SRC: variants seen among roughly 807,000 people sequenced by gnomAD.
SRC encodes the protein proto-oncogene tyrosine-protein kinase Src.
In SRC, 13 loss-of-function variants were observed where a neutral mutation model predicts 62.9. That is an observed-to-expected ratio of 0.21 (90% CI 0.13 to 0.33). The LOEUF (loss-of-function observed/expected upper bound fraction) is 0.33, where lower values mean the gene tolerates loss of function less well. SRC is among the 10% of genes least tolerant of loss of function. SRC has a pLI of 1.00. For missense variants in SRC, 457 were observed against 737.3 expected (o/e 0.62, Z 4.40); for synonymous variants, 302 against 317.5 (o/e 0.95, Z 0.52).
chr20:37,386,507 G>C (rs983186776), intron 5 of SRC: 8 of 712,844 alleles, frequency 1.1e-5, no homozygotes, highest in Middle Eastern at 2.3e-4. Flanking sequence ...GCGGCGGGCT[G>C]GGCGGGGTGC....
At position 37,397,145 on chromosome 20, in the gene SRC, A is replaced by G. The variant is rs923360126; in HGVS notation, c.704-554A>G. ...CCTCCGCCTGGTGCCACCCTTCCCCACCTGCTCCCTGCGCCCCTTTGTCCT... is the reference window on the plus strand; with the variant it reads ...CCTCCGCCTGGTGCCACCCTTCCCCGCCTGCTCCCTGCGCCCCTTTGTCCT... On this transcript the variant is annotated intron_variant, in intron 8 of 13. Coordinates refer to ENST00000373578, the MANE Select transcript of SRC (RefSeq NM_198291.3). The surrounding 1 kb of genome is among the most constrained non-coding windows in gnomAD (Gnocchi z 4.1). Among the ~76,000 whole-genome samples, 2 of 151,620 alleles carry G rather than the reference A, an allele frequency of 1.3e-5. No individual in the cohort carries two copies. Among genetic ancestry groups the G allele is most frequent in the African/African-American group, 4.8e-5 (2 of 41,244 alleles).
At chr20:37,378,974 G>A (rs1426786510) in intron 2 of SRC, among the ~76,000 whole-genome samples, 1 of 136,410 alleles carries the variant, frequency 7.3e-6, no homozygotes, top group East Asian at 2.0e-4. Context: ...TGACTGGGGT[G>A]GGATGTGCAG....
intron 2 of SRC, among the ~76,000 whole-genome samples, chr20:37,371,806 A>G (rs570189783): frequency 5.3e-5 from 8 of 152,096 alleles, no homozygotes; most frequent in East Asian, 1.9e-4. Flanking sequence ...GGTTCAAGCA[A>G]TTCTCTTGCC....
chr20:37,360,242 G>A (rs1422204950), intron 1 of SRC, among the ~76,000 whole-genome samples: 1 of 55,778 alleles, frequency 1.8e-5, no homozygotes, highest in Non-Finnish European at 2.8e-5. Context: ...TTTTTTTGGT[G>A]AGACAGGGTC....
At chr20:37,366,884 A>G (rs1300874272) in intron 2 of SRC, among the ~76,000 whole-genome samples, 1 of 152,186 alleles carries the variant, frequency 6.6e-6, no homozygotes, top group African/African-American at 2.4e-5. Flanking sequence ...TCGAGTGTGT[A>G]CCTAGGAGTA....
At position 37,384,394 on chromosome 20, in the gene SRC, C is replaced by A; in HGVS notation, c.241C>A (p.Pro81Thr). The A allele has an allele frequency of 7.0e-7, 1 of 1,425,790 alleles. No individual in the cohort carries two copies. The highest frequency in any genetic ancestry group is 1.4e-5 in the South Asian group (1 of 71,182). The allele number at this position is 1,425,790 out of a possible 1,614,324, so 88.3% of individuals were successfully genotyped here. Reference sequence around the variant, plus strand: ...CGTCACCTCCCCGCAGAGGGCGGGCCCGCTGGCCGGTCAGTGCGCGGGCGG... The same window carrying A: ...CGTCACCTCCCCGCAGAGGGCGGGCACGCTGGCCGGTCAGTGCGCGGGCGG... ...DTVTSPQRAG[P>T]LAGGVTTFVA... The change falls in exon 4 of 14, where the codon CCG becomes ACG. Residue 81 changes from proline (P) to threonine (T), a missense_variant. Transcript: ENST00000373578. This position sits in a 1 kb window ranked among gnomAD's most constrained non-coding sequence, Gnocchi z 6.7.
intron 3 of SRC, among the ~76,000 whole-genome samples, chr20:37,383,022 C>T (rs2070388148): frequency 6.6e-6 from 1 of 152,228 alleles, no homozygotes; most frequent in African/African-American, 2.4e-5. Context: ...CTCATTCGTT[C>T]AGCTGTTTAC....
intron 1 of SRC, among the ~76,000 whole-genome samples, chr20:37,363,203 G>A (rs965872689): frequency 6.6e-6 from 1 of 152,220 alleles, no homozygotes; most frequent in African/African-American, 2.4e-5. Flanking sequence ...GCTCCCAGGG[G>A]CCTGAGAAAA....
At chr20:37,353,216 C>T (rs2069832823) in intron 1 of SRC, among the ~76,000 whole-genome samples, 1 of 152,118 alleles carries the variant, frequency 6.6e-6, no homozygotes, top group Non-Finnish European at 1.5e-5. Context: ...GAAACTGTGA[C>T]CTCAAATCAG....
intron 1 of SRC, among the ~76,000 whole-genome samples, chr20:37,363,457 A>C (rs757634666): frequency 1.3e-5 from 2 of 151,668 alleles, no homozygotes; most frequent in Non-Finnish European, 2.9e-5. Flanking sequence ...CTCACAGGGG[A>C]GGTGGGGTAG....
Position 37,384,406 on chromosome 20 carries a change from C to G in SRC, c.250+3C>G, listed in dbSNP as rs2147051183. ...GCAGAGGGCGGGCCCGCTGGCCGGT[C>G]AGTGCGCGGGCGGCGCGGGGTCCTC... is the stretch of plus-strand genomic sequence containing the variant. On this transcript the variant is annotated splice_donor_region_variant and intron_variant, in intron 4 of 13. Transcript: ENST00000373578. This position sits in a 1 kb window ranked among gnomAD's most constrained non-coding sequence, Gnocchi z 6.7. The G allele has an allele frequency of 7.1e-7, 1 of 1,405,756 alleles. No homozygotes were observed. Among genetic ancestry groups the G allele is most frequent in the Non-Finnish European group, 9.2e-7 (1 of 1,086,400 alleles). 87.1% of individuals were successfully genotyped at this position (1,405,756 alleles called of 1,614,324 possible).
chr20:37,387,664 C>G (rs1326299122), intron 5 of SRC, among the ~76,000 whole-genome samples: 3 of 152,228 alleles, frequency 2.0e-5, no homozygotes, highest in Admixed American at 6.5e-5. Flanking sequence ...CTGCTTCCCC[C>G]CTAAACTGGG....
At chr20:37,369,718 T>TG (rs1325106126) in intron 2 of SRC, among the ~76,000 whole-genome samples, 2 of 152,100 alleles carry the variant, frequency 1.3e-5, no homozygotes, top group Non-Finnish European at 2.9e-5. Context: ...TTTCTGATCT[T>TG]GGGGGGATGG....
At position 37,384,753 on chromosome 20, in the gene SRC, G is replaced by A. The variant is rs2070424632; in HGVS notation, c.250+350G>A. Among the ~76,000 whole-genome samples the A allele has an allele frequency of 6.6e-6, 1 of 152,172 alleles. No individual in the cohort carries two copies. Among genetic ancestry groups the A allele is most frequent in the African/African-American group, 2.4e-5 (1 of 41,450 alleles). On this transcript the variant is annotated intron_variant, in intron 4 of 13. Coordinates refer to ENST00000373578, the MANE Select transcript of SRC (RefSeq NM_198291.3). This position sits in a 1 kb window ranked among gnomAD's most constrained non-coding sequence, Gnocchi z 6.7. ...GTTGCCTGGGTCCGCCCAGAGATGA[G>A]TCGGGACGCGCGGCCCACGTGCGGC... is the stretch of plus-strand genomic sequence containing the variant.
intron 5 of SRC, among the ~76,000 whole-genome samples, chr20:37,393,210 C>A (rs1312026341): frequency 2.6e-5 from 4 of 152,256 alleles, no homozygotes; most frequent in Non-Finnish European, 5.9e-5. Flanking sequence ...TCCCAGCCCC[C>A]TCTGGCCTCA....
intron 2 of SRC, among the ~76,000 whole-genome samples, chr20:37,382,130 T>C (rs944251272): frequency 1.3e-5 from 2 of 152,216 alleles, no homozygotes; most frequent in Admixed American, 6.5e-5. Flanking sequence ...GAGGAAATTC[T>C]GGACCGATTC....
chr20:37,356,302 G>A (rs1409209977), intron 1 of SRC, among the ~76,000 whole-genome samples: 3 of 152,124 alleles, frequency 2.0e-5, no homozygotes, highest in African/African-American at 7.2e-5. Flanking sequence ...TCAGTTGGCT[G>A]GTGCCAATGG....
Position 37,396,150 on chromosome 20 carries a change from G to A in SRC, c.554-12G>A, listed in dbSNP as rs200185588. 5 of 1,609,768 alleles carry A rather than the reference G, an allele frequency of 3.1e-6. No homozygotes were observed. The highest frequency in any genetic ancestry group is 3.4e-6 in the Non-Finnish European group (4 of 1,179,396). The stretch of plus-strand genomic sequence containing the variant: ...GGGCATGGCGGTCACGGCTCCCCTC[G>A]GTGCCCCGCAGGTGCCTACTGCCTC... On this transcript the variant is annotated splice_polypyrimidine_tract_variant and intron_variant, in intron 7 of 13. Coordinates refer to ENST00000373578, the MANE Select transcript of SRC (RefSeq NM_198291.3). The surrounding 1 kb of genome is among the most constrained non-coding windows in gnomAD (Gnocchi z 6.1).
rs1452550415 is a variant in SRC, at chr20:37,405,969, A to G, written c.*2590A>G. 1 of 152,310 alleles carries G rather than the reference A, an allele frequency of 6.6e-6. No homozygotes were observed. The highest frequency in any genetic ancestry group is 2.4e-5 in the African/African-American group (1 of 41,454). The allele number at this position is 152,310 out of a possible 1,614,324, so 9.4% of individuals were successfully genotyped here. Reference sequence around the variant, plus strand: ...ACAAACACATTTATTTTACACAAATATACATCAGATCACACACCTGTGCAC... The same window carrying G: ...ACAAACACATTTATTTTACACAAATGTACATCAGATCACACACCTGTGCAC... On this transcript the variant is annotated 3_prime_UTR_variant, in exon 14 of 14. Transcript: ENST00000373578.
Sources: gnomAD v4.1 joint callset for allele counts (sites outside exome capture counted in the v4.1 genomes callset) on GRCh38, gnomAD v4.1.1 for gene constraint, Gnocchi (gnomAD v3.1) non-coding constraint, MANE v1.5 for transcripts, NCBI Gene and HGNC (gene_info 2026-07-23, HGNC 2026-07-21) for gene names.